The following PALLD variants were observed in gnomAD, a reference collection of about 807,000 sequenced individuals.
PALLD encodes palladin, cytoskeletal associated protein, also known as palladin.
A neutral mutation model predicts 123.5 loss-of-function variants in PALLD; 61 were observed. That is an observed-to-expected ratio of 0.49 (90% CI 0.40 to 0.61). The LOEUF is 0.61. Ranked by LOEUF, PALLD falls within the 20% of genes least tolerant of loss-of-function variation. The pLI, the probability that PALLD is intolerant of heterozygous loss-of-function variation, is 0.00. For synonymous variants in PALLD, 465 were observed against 496.4 expected, an observed-to-expected ratio of 0.94 and a Z score of 0.84; for missense variants, 1,273 against 1,377.0, an observed-to-expected ratio of 0.92 and a Z score of 1.20.
intron 10 of PALLD, among the ~76,000 whole-genome samples, chr4:168,890,031 C>A (rs773251623): frequency 3.9e-5 from 6 of 152,154 alleles, no homozygotes; most frequent in Non-Finnish European, 7.3e-5. Flanking sequence ...TAGGTCAATT[C>A]ATTTCCCCAT....
chr4:168,903,977 C>T, intron 15 of PALLD, 71 bp downstream of exon 15: 1 of 1,383,268 alleles, frequency 7.2e-7, no homozygotes, highest in South Asian at 1.2e-5. Flanking sequence ...GACAAAGGAA[C>T]TATTTAAAAG....
In PALLD at chr4:168,631,465, A is replaced by G. The variant is rs193237841; in HGVS notation, c.909-36725A>G. On this transcript the variant is annotated intron_variant, in intron 2 of 21. Transcript: ENST00000505667. The stretch of plus-strand genomic sequence containing the variant: ...TCCCCCCGCCCCTGGGCAACGCAAA[A>G]GCCGTCCTAAGTGCGATAAGAGCAT... 1.5e-3 allele frequency: 530 copies of G among 364,878 alleles called. 4 individuals are homozygous for G. The highest frequency in any genetic ancestry group is 0.011 in the African/African-American group (488 of 45,494). 22.6% of individuals were successfully genotyped at this position (364,878 alleles called of 1,614,324 possible).
chr4:168,598,734 C>A, intron 2 of PALLD: 1 of 412,390 alleles, frequency 2.4e-6, no homozygotes, highest in Non-Finnish European at 5.0e-6. Context: ...CTATCTGGAC[C>A]TGAGCCTGAA....
At chr4:168,520,701 C>T (rs1763481542) in intron 2 of PALLD, among the ~76,000 whole-genome samples, 1 of 152,192 alleles carries the variant, frequency 6.6e-6, no homozygotes, top group Non-Finnish European at 1.5e-5. Flanking sequence ...TGTTTAATGA[C>T]TTGAATATTA....
chr4:168,515,726 T>C (rs549593901), intron 2 of PALLD, among the ~76,000 whole-genome samples: 1 of 151,862 alleles, frequency 6.6e-6, no homozygotes, highest in South Asian at 2.1e-4. Context: ...CTTGCAAGAG[T>C]TTAAGCAAGT....
At chr4:168,878,673 T>G (rs1752179928) in intron 10 of PALLD, among the ~76,000 whole-genome samples, 1 of 71,162 alleles carries the variant, frequency 1.4e-5, no homozygotes, top group African/African-American at 4.2e-5. Context: ...TGCCCTCTCT[T>G]AATCATTATG....
intron 11 of PALLD, among the ~76,000 whole-genome samples, chr4:168,891,682 T>TAA (rs5863966): frequency 1.4e-5 from 2 of 142,824 alleles, no homozygotes; most frequent in Admixed American, 7.0e-5. Context: ...CCAATGGTAT[T>TAA]AAAAAAAAAA....
rs530477054 is a variant in PALLD at position 168,788,180 on chromosome 4, T to C, written c.1964+76257T>C. 4.6e-5 allele frequency among the ~76,000 whole-genome samples: 7 copies of C among 152,330 alleles called. No homozygotes were observed. The South Asian group carries it at 6.2e-4, about 14-fold the overall frequency. ...CCTAATTTGCATTTGAGTAGCAACCTAAGTACTAAATCACAACCCAGGAAT... is the reference window on the plus strand; with the variant it reads ...CCTAATTTGCATTTGAGTAGCAACCCAAGTACTAAATCACAACCCAGGAAT... On this transcript the variant is annotated intron_variant, in intron 10 of 21. Coordinates refer to ENST00000505667, the MANE Select transcript of PALLD (RefSeq NM_001166108.2).
At chr4:168,503,799 T>C (rs1042739035) in intron 1 of PALLD, among the ~76,000 whole-genome samples, 17 of 152,180 alleles carry the variant, frequency 1.1e-4, no homozygotes, top group African/African-American at 4.1e-4. Context: ...GTGTTGGTGA[T>C]GACAGAGGGT....
chr4:168,629,795 A>G (rs1383975973), intron 2 of PALLD, among the ~76,000 whole-genome samples: 1 of 152,200 alleles, frequency 6.6e-6, no homozygotes, highest in Non-Finnish European at 1.5e-5. Flanking sequence ...AGTTTTCAGT[A>G]ACATTTGACA....
intron 10 of PALLD, among the ~76,000 whole-genome samples, chr4:168,767,307 C>T (rs1400621106): frequency 6.6e-6 from 1 of 152,184 alleles, no homozygotes; most frequent in Non-Finnish European, 1.5e-5. Flanking sequence ...ACATGACCTG[C>T]TCTCCAGCCA....
At chr4:168,664,921 C>T (rs2149997173) in intron 2 of PALLD, among the ~76,000 whole-genome samples, 1 of 152,270 alleles carries the variant, frequency 6.6e-6, no homozygotes, top group East Asian at 1.9e-4. Context: ...AATGGCAGAG[C>T]AAAGAGGCTC....
chr4:168,652,448 T>A (rs1778147272), intron 2 of PALLD, among the ~76,000 whole-genome samples: 1 of 152,210 alleles, frequency 6.6e-6, no homozygotes, highest in Non-Finnish European at 1.5e-5. Context: ...AGCATGTAAT[T>A]TTCTAACACA....
At chr4:168,499,344 AGAAGGG>A (rs1761143021) in intron 1 of PALLD, among the ~76,000 whole-genome samples, 1 of 45,380 alleles carries the variant, frequency 2.2e-5, no homozygotes, top group Non-Finnish European at 3.9e-5. Context: ...GAAGGGAGGC[AGAAGGG>A]AGGGAGGGGG....
chr4:168,504,147 A>G (rs970763127), intron 1 of PALLD, among the ~76,000 whole-genome samples: 4 of 152,204 alleles, frequency 2.6e-5, no homozygotes, highest in African/African-American at 9.6e-5. Flanking sequence ...TTGCACAACT[A>G]AGCAGTTGTT....
intron 2 of PALLD, among the ~76,000 whole-genome samples, chr4:168,633,786 T>G (rs911620385): frequency 6.6e-6 from 1 of 152,216 alleles, no homozygotes; most frequent in East Asian, 1.9e-4. Flanking sequence ...ATGTTTACTC[T>G]GTAAAATAGC....
chr4:168,772,688 C>T lies in PALLD; in HGVS notation c.1964+60765C>T, dbSNP rs116130746. Among the ~76,000 whole-genome samples, 262 of 152,284 alleles carry T rather than the reference C, an allele frequency of 1.7e-3. 1 individual carries two copies. The highest frequency in any genetic ancestry group is 5.8e-3 in the African/African-American group (243 of 41,550). ...AATGTGCCTGACACTGTAGTGGAGGCCAGCTTCTTGAAAGCAAAAAAACAC... is the reference window on the plus strand; with the variant it reads ...AATGTGCCTGACACTGTAGTGGAGGTCAGCTTCTTGAAAGCAAAAAAACAC... On this transcript the variant is annotated intron_variant, in intron 10 of 21. Transcript: ENST00000505667.
At chr4:168,818,939 G>A (rs546260922) in intron 10 of PALLD, among the ~76,000 whole-genome samples, 2 of 152,294 alleles carry the variant, frequency 1.3e-5, no homozygotes, top group South Asian at 4.1e-4. Flanking sequence ...TGGTGAAATA[G>A]TGCTAGTGTG....
chr4:168,549,388 T>C (rs756253517), intron 2 of PALLD, among the ~76,000 whole-genome samples: 3 of 152,224 alleles, frequency 2.0e-5, no homozygotes, highest in African/African-American at 7.2e-5. Flanking sequence ...TCTCTGTATA[T>C]GTGTTTGTAC....
Sources: allele counts gnomAD v4.1 joint callset (sites outside exome capture counted in the v4.1 genomes callset), GRCh38; gene constraint gnomAD v4.1.1; transcripts MANE v1.5; gene names NCBI Gene and HGNC (gene_info 2026-07-23, HGNC 2026-07-21).